REEP1: variants seen among roughly 807,000 people sequenced by gnomAD.
REEP1 encodes the protein receptor expression-enhancing protein 1.
In REEP1, 22 loss-of-function variants were observed where a neutral mutation model predicts 40.3. That is an observed-to-expected ratio of 0.55 (90% CI 0.39 to 0.78). REEP1 has a LOEUF of 0.78. Ranked by LOEUF, REEP1 falls within the 30% of genes least tolerant of loss-of-function variation. The probability of loss-of-function intolerance (pLI) is 0.00; values close to 1 mark genes in which losing one functional copy is unlikely to be tolerated. For missense variants in REEP1, 280 were observed against 361.1 expected (o/e 0.78, Z 1.82); for synonymous variants, 116 against 139.2 (o/e 0.83, Z 1.17).
At chr2:86,236,975 C>A (rs943643611) in intron 5 of REEP1, among the ~76,000 whole-genome samples, 5 of 152,178 alleles carry the variant, frequency 3.3e-5, no homozygotes, top group Admixed American at 2.0e-4. Context: ...ACCTCGTAAT[C>A]CGCCCGCCTT....
intron 2 of REEP1, among the ~76,000 whole-genome samples, chr2:86,280,215 C>T (rs1053807753): frequency 5.3e-5 from 8 of 152,186 alleles, no homozygotes; most frequent in East Asian, 1.9e-4. Flanking sequence ...TGATACTACT[C>T]GGCTTGTTTC....
intron 5 of REEP1, among the ~76,000 whole-genome samples, chr2:86,233,826 G>A (rs557944735): frequency 4.6e-5 from 7 of 152,244 alleles, no homozygotes; most frequent in Non-Finnish European, 8.8e-5. Context: ...CGGGTGCATG[G>A]CACTGCAGTG....
intron 4 of REEP1, 49 bp downstream of exon 4, chr2:86,254,645 T>C (rs1558891617): frequency 6.3e-7 from 1 of 1,590,212 alleles, no homozygotes; most frequent in Non-Finnish European, 8.6e-7. Flanking sequence ...ATTTATTACT[T>C]ATTTTCTCAC....
intron 1 of REEP1, among the ~76,000 whole-genome samples, chr2:86,290,509 G>A (rs1332259427): frequency 1.3e-5 from 2 of 152,144 alleles, no homozygotes; most frequent in Non-Finnish European, 2.9e-5. Flanking sequence ...GGTGTGTCGT[G>A]GCTCTCCAAA....
intron 1 of REEP1, among the ~76,000 whole-genome samples, chr2:86,283,765 CT>C (rs1053951085): frequency 5.9e-5 from 9 of 152,198 alleles, no homozygotes; most frequent in Non-Finnish European, 1.3e-4. Context: ...AAGGGAACCC[CT>C]TTTACAGACA....
intron 3 of REEP1, among the ~76,000 whole-genome samples, chr2:86,259,854 TGG>T (rs1676763824): frequency 6.6e-6 from 1 of 151,774 alleles, no homozygotes; most frequent in African/African-American, 2.4e-5. Context: ...AGGGGAGAAG[TGG>T]GAAGAGGGGA....
chr2:86,288,970 T>C (rs1678555900), intron 1 of REEP1, among the ~76,000 whole-genome samples: 2 of 152,218 alleles, frequency 1.3e-5, no homozygotes, highest in African/African-American at 4.8e-5. Flanking sequence ...TAGGAATTCT[T>C]TGTGAATTTT....
At chr2:86,325,137 A>G (rs544798885) in intron 1 of REEP1, among the ~76,000 whole-genome samples, 1 of 152,294 alleles carries the variant, frequency 6.6e-6, no homozygotes, top group African/African-American at 2.4e-5. Context: ...AATCCCAGCA[A>G]CTTGGGAGGC....
At chr2:86,289,447 C>T (rs780413857) in intron 1 of REEP1, among the ~76,000 whole-genome samples, 1 of 152,076 alleles carries the variant, frequency 6.6e-6, no homozygotes, top group Non-Finnish European at 1.5e-5. Context: ...TATAATGAAT[C>T]CTGATATTCT....
intron 3 of REEP1, among the ~76,000 whole-genome samples, chr2:86,256,278 T>C (rs150781579): frequency 6.7e-6 from 1 of 149,544 alleles, no homozygotes; most frequent in Admixed American, 6.7e-5. Flanking sequence ...AACCCAGGAG[T>C]TGGAGGTTGC....
intron 1 of REEP1, among the ~76,000 whole-genome samples, chr2:86,322,009 G>C (rs1358024139): frequency 1.3e-5 from 2 of 152,116 alleles, no homozygotes; most frequent in Admixed American, 1.3e-4. Context: ...TATTTATCTG[G>C]AAAACCAAAA....
At chr2:86,296,019 TAAG>T (rs35539790) in intron 1 of REEP1, among the ~76,000 whole-genome samples, 16,236 of 152,204 alleles carry the variant, frequency 0.11, 1,678 homozygotes, top group African/African-American at 0.27. Context: ...CATGGAAATG[TAAG>T]AAGTTTTATT....
chr2:86,337,595 G>T lies in REEP1; in HGVS notation c.-85C>A. On this transcript the variant is annotated 5_prime_UTR_variant, in exon 1 of 9. Coordinates refer to ENST00000538924, the MANE Select transcript of REEP1 (RefSeq NM_001371279.1). This position sits in a 1 kb window ranked among gnomAD's most constrained non-coding sequence, Gnocchi z 5.8. ...CGGGCTGCTGCGGCGTTCCCGGAAC[G>T]TCAGTCAGCTCACGGCAGCCGCCGC... The T allele has an allele frequency of 8.6e-7, 1 of 1,161,770 alleles. No individual in the cohort carries two copies. Among genetic ancestry groups the T allele is most frequent in the Non-Finnish European group, 1.1e-6 (1 of 944,442 alleles). 72.0% of individuals were successfully genotyped at this position (1,161,770 alleles called of 1,614,324 possible). A position where few individuals can be genotyped will look rare whatever the true frequency, so the allele number is the denominator to read the frequency against.
chr2:86,246,010 C>T (rs927276048), intron 5 of REEP1, among the ~76,000 whole-genome samples: 28 of 152,100 alleles, frequency 1.8e-4, no homozygotes, highest in African/African-American at 7.2e-5. Flanking sequence ...GTGATCCGCC[C>T]GCCTTGGCCT....
chr2:86,305,933 C>T (rs997829817), intron 1 of REEP1, among the ~76,000 whole-genome samples: 1 of 152,198 alleles, frequency 6.6e-6, no homozygotes, highest in African/African-American at 2.4e-5. Context: ...TCGGGCCACT[C>T]GCCTGCTCGT....
intron 1 of REEP1, among the ~76,000 whole-genome samples, chr2:86,317,529 C>T (rs762160897): frequency 2.6e-5 from 4 of 152,292 alleles, no homozygotes; most frequent in South Asian, 4.2e-4. Flanking sequence ...TTTGCCTTTT[C>T]GCTGTGTTGA....
intron 8 of REEP1, among the ~76,000 whole-genome samples, chr2:86,218,349 G>A (rs935860251): frequency 3.9e-5 from 6 of 152,152 alleles, no homozygotes; most frequent in Non-Finnish European, 2.9e-5. Flanking sequence ...GGCCCATGTC[G>A]CATTCACCAC....
intron 1 of REEP1, among the ~76,000 whole-genome samples, chr2:86,306,374 A>G (rs1679478766): frequency 6.6e-6 from 1 of 152,208 alleles, no homozygotes; most frequent in South Asian, 2.1e-4. Flanking sequence ...CCCAAAACAC[A>G]GAATACACAA....
chr2:86,294,625 A>G (rs939395180), intron 1 of REEP1, among the ~76,000 whole-genome samples: 2 of 152,198 alleles, frequency 1.3e-5, no homozygotes, highest in Non-Finnish European at 2.9e-5. Context: ...GCAAGTAAAT[A>G]TATTTTTTAC....
Sources: allele counts gnomAD v4.1 joint callset (sites outside exome capture counted in the v4.1 genomes callset), GRCh38; gene constraint gnomAD v4.1.1; non-coding constraint Gnocchi (gnomAD v3.1); transcripts MANE v1.5; gene names NCBI Gene and HGNC (gene_info 2026-07-23, HGNC 2026-07-21).